TOMM70: variants seen among roughly 807,000 people sequenced by gnomAD.
TOMM70 encodes the protein mitochondrial import receptor subunit TOM70.
In TOMM70, 13 loss-of-function variants were observed where a neutral mutation model predicts 73.6. That is an observed-to-expected ratio of 0.18 (90% CI 0.11 to 0.28). The LOEUF (loss-of-function observed/expected upper bound fraction) is 0.28. TOMM70 is among the 10% of genes least tolerant of loss of function. The pLI is 1.00. For synonymous variants in TOMM70, 257 were observed against 271.2 expected (o/e 0.95, Z 0.51); for missense variants, 609 against 747.5 (o/e 0.81, Z 2.16).
chr3:100,367,524 C>T (rs1706458525), intron 11 of TOMM70, among the ~76,000 whole-genome samples: 1 of 152,288 alleles, frequency 6.6e-6, no homozygotes, highest in South Asian at 2.1e-4. Context: ...ATCATATAAT[C>T]TCCACCTTTA....
chr3:100,371,357 T>C (rs1351590788), intron 9 of TOMM70, among the ~76,000 whole-genome samples: 1 of 144,602 alleles, frequency 6.9e-6, no homozygotes, highest in Admixed American at 7.3e-5. Flanking sequence ...CTCCGCCTCC[T>C]GGGTTCAAGC....
Position 100,390,283 on chromosome 3 carries a change from T to C in TOMM70, c.325-3305A>G, listed in dbSNP as rs1706743692. ...GACTAGTGTAGGAAACAAACAACCGTCAATCTCGCAAAAGAACTATTACTG... is the reference window on the plus strand; with the variant it reads ...GACTAGTGTAGGAAACAAACAACCGCCAATCTCGCAAAAGAACTATTACTG... On this transcript the variant is annotated intron_variant, in intron 1 of 11. Coordinates refer to ENST00000284320, the MANE Select transcript of TOMM70 (RefSeq NM_014820.5). 2.0e-5 allele frequency among the ~76,000 whole-genome samples: 3 copies of C among 152,182 alleles called. No homozygotes were observed. The South Asian group carries it at 6.2e-4, about 32-fold the overall frequency.
intron 3 of TOMM70, among the ~76,000 whole-genome samples, chr3:100,385,180 A>G (rs1706676487): frequency 6.6e-6 from 1 of 152,230 alleles, no homozygotes; most frequent in African/African-American, 2.4e-5. Context: ...CCACCAATCA[A>G]GTCAATCTGC....
At chr3:100,379,879 A>G (rs934123968) in intron 5 of TOMM70, among the ~76,000 whole-genome samples, 2 of 152,134 alleles carry the variant, frequency 1.3e-5, no homozygotes, top group African/African-American at 4.8e-5. Flanking sequence ...TCAGCCTCTC[A>G]AAGTGTTGGG....
chr3:100,389,505 ACCTGCTG>A (rs796448550), intron 1 of TOMM70, among the ~76,000 whole-genome samples: 176 of 152,346 alleles, frequency 1.2e-3, no homozygotes, highest in African/African-American at 3.8e-3. Flanking sequence ...AAAACTAACT[ACCTGCTG>A]CCTATAAGGC....
chr3:100,396,652 A>T (rs1302609064), intron 1 of TOMM70, among the ~76,000 whole-genome samples: 1 of 152,196 alleles, frequency 6.6e-6, no homozygotes, highest in Non-Finnish European at 1.5e-5. Flanking sequence ...CTTGCAATTT[A>T]AAATTTTTTT....
intron 1 of TOMM70, among the ~76,000 whole-genome samples, chr3:100,391,414 G>A (rs1487089703): frequency 6.6e-6 from 1 of 152,264 alleles, no homozygotes; most frequent in Admixed American, 6.5e-5. Flanking sequence ...ACAAGATGTA[G>A]AGGAGGACAG....
chr3:100,365,445 A>C lies in TOMM70; in HGVS notation c.*119T>G, dbSNP rs551114945. 153 of 1,430,378 alleles carry C rather than the reference A, an allele frequency of 1.1e-4. No individual in the cohort carries two copies. Among genetic ancestry groups the C allele is most frequent in the Admixed American group, 4.9e-4 (23 of 47,392 alleles). The allele number at this position is 1,430,378 out of a possible 1,614,324, so 88.6% of individuals were successfully genotyped here. On this transcript the variant is annotated 3_prime_UTR_variant, in exon 12 of 12. Transcript: ENST00000284320. ...CATGAAACAGATGTAACAAATAACA[A>C]CACCACAAACAGAAATACTGATTTC...
intron 4 of TOMM70, 110 bp downstream of exon 4, chr3:100,384,369 A>AT: frequency 3.0e-6 from 2 of 656,808 alleles, no homozygotes; most frequent in Non-Finnish European, 5.0e-6. Flanking sequence ...CCCAGTTCTA[A>AT]TTGCAGTTGT....
intron 1 of TOMM70, 105 bp downstream of exon 1, chr3:100,400,521 G>C (rs2148896368): frequency 7.5e-7 from 1 of 1,339,518 alleles, no homozygotes; most frequent in Middle Eastern, 2.3e-4. Flanking sequence ...TTGTGCTGCC[G>C]CTTGGCAGCT....
chr3:100,370,852 T>C (rs1706502050), intron 9 of TOMM70, among the ~76,000 whole-genome samples: 1 of 152,178 alleles, frequency 6.6e-6, no homozygotes, highest in African/African-American at 2.4e-5. Context: ...AAATATGCTA[T>C]TGGGAAAGTT....
At chr3:100,396,013 GGTT>G (rs1706821784) in intron 1 of TOMM70, among the ~76,000 whole-genome samples, 1 of 92,636 alleles carries the variant, frequency 1.1e-5, no homozygotes, top group Non-Finnish European at 2.1e-5. Flanking sequence ...GCTGGTATCA[GGTT>G]TTTTTTTTTT....
Position 100,400,695 on chromosome 3 carries a change from G to A in TOMM70, c.255C>T (p.Thr85=), listed in dbSNP as rs1706888061. The change falls in exon 1 of 12, where the codon ACC becomes ACT. Residue 85 remains threonine, a synonymous_variant. Transcript: ENST00000284320. ...GGGCCGGACTGGCCCTGCCCTCCGG[G>A]GTCTTCCGTTCGCTGTTGCGCTTCA... ...SGLKRNSERK[T]PEGRASPAPG... 2 of 1,611,708 alleles carry A rather than the reference G, an allele frequency of 1.2e-6. No homozygotes were observed. Among genetic ancestry groups the A allele is most frequent in the African/African-American group, 2.7e-5 (2 of 74,972 alleles).
chr3:100,377,428 C>T (rs961367643), intron 6 of TOMM70: 12 of 354,906 alleles, frequency 3.4e-5, no homozygotes, highest in African/African-American at 2.3e-4. Context: ...TGCCCAAATA[C>T]AGTCCAATAT....
intron 6 of TOMM70, among the ~76,000 whole-genome samples, chr3:100,375,778 G>T (rs1480561136): frequency 6.6e-6 from 1 of 152,060 alleles, no homozygotes; most frequent in Non-Finnish European, 1.5e-5. Context: ...GGGTAGTCTA[G>T]AACTCCTGGG....
chr3:100,400,025 T>A (rs1184030467), intron 1 of TOMM70, among the ~76,000 whole-genome samples: 1 of 152,148 alleles, frequency 6.6e-6, no homozygotes, highest in East Asian at 1.9e-4. Flanking sequence ...CTGCTTACAG[T>A]TCAGAGGCTG....
intron 6 of TOMM70, among the ~76,000 whole-genome samples, chr3:100,376,368 A>ATTTTTTTTTTTTTTTTTTTTT (rs1559831461): frequency 9.3e-6 from 1 of 107,918 alleles, no homozygotes; most frequent in African/African-American, 6.1e-5. Context: ...TTCACACAGA[A>ATTTTTTTTTTTTTTTTTTTTT]GTTTTTTTTT....
chr3:100,377,372 C>T (rs371485666), intron 6 of TOMM70: 37 of 205,170 alleles, frequency 1.8e-4, no homozygotes, highest in African/African-American at 3.9e-4. Context: ...ACATATTACA[C>T]GTTACTGACA....
intron 4 of TOMM70, among the ~76,000 whole-genome samples, chr3:100,384,031 A>G (rs540912380): frequency 1.3e-5 from 2 of 152,362 alleles, no homozygotes; most frequent in East Asian, 1.9e-4. Flanking sequence ...CAACTTACTC[A>G]GTATACCTTT....
Sources: gnomAD v4.1 joint callset for allele counts (sites outside exome capture counted in the v4.1 genomes callset) on GRCh38, gnomAD v4.1.1 for gene constraint, MANE v1.5 for transcripts, NCBI Gene and HGNC (gene_info 2026-07-23, HGNC 2026-07-21) for gene names.